The following PRTG variants were observed in gnomAD, a reference collection of about 807,000 sequenced individuals.
PRTG encodes the protein protogenin, also known as immunoglobulin superfamily, DCC subclass, member 5.
In PRTG, 67 loss-of-function variants were observed where a neutral mutation model predicts 122.5. The ratio of observed to expected loss-of-function variants is 0.55; its 90% CI spans 0.45 to 0.67. The LOEUF is 0.67. Ranked by LOEUF, PRTG falls within the 30% of genes least tolerant of loss-of-function variation. The pLI is 0.00. For synonymous variants in PRTG, 554 were observed against 501.1 expected (o/e 1.11, Z -1.41); for missense variants, 1,435 against 1,415.4 (o/e 1.01, Z -0.22).
chr15:55,622,094 C>T lies in PRTG; in HGVS notation c.3094-1327G>A, dbSNP rs2059169246. 2.0e-5 allele frequency among the ~76,000 whole-genome samples: 3 copies of T among 152,092 alleles called. No individual in the cohort carries two copies. In the South Asian group the frequency reaches 6.2e-4, roughly 32 times the overall value. Reference sequence around the variant, plus strand: ...TTCACTTCAGGCCTCTACCTCTCTGCTCCTTTCACTTTAGTTTCTTTTTTT... The same window carrying T: ...TTCACTTCAGGCCTCTACCTCTCTGTTCCTTTCACTTTAGTTTCTTTTTTT... On this transcript the variant is annotated intron_variant, in intron 18 of 19. Transcript: ENST00000389286.
At chr15:55,713,675 G>A (rs2030483247) in intron 2 of PRTG, among the ~76,000 whole-genome samples, 1 of 152,020 alleles carries the variant, frequency 6.6e-6, no homozygotes, top group Non-Finnish European at 1.5e-5. Context: ...GATTACAAGT[G>A]AACTAAGCAT....
At chr15:55,697,215 A>G (rs2059636743) in intron 2 of PRTG, among the ~76,000 whole-genome samples, 1 of 152,180 alleles carries the variant, frequency 6.6e-6, no homozygotes, top group Admixed American at 6.5e-5. Context: ...TCTCATTAGT[A>G]ACTGGTTTTA....
rs76847262 is a variant in PRTG at position 55,670,019 on chromosome 15, A to C, written c.2041+2426T>G. 9.1e-3 allele frequency among the ~76,000 whole-genome samples: 1,380 copies of C among 152,342 alleles called. 15 individuals carry two copies. The highest frequency in any genetic ancestry group is 0.032 in the African/African-American group (1,319 of 41,566). On this transcript the variant is annotated intron_variant, in intron 11 of 19. Coordinates refer to ENST00000389286, the MANE Select transcript of PRTG (RefSeq NM_173814.6). ...GGCAGGAATATATGATTTATTTTTA[A>C]AACACAGGAGAAAATAAAGGTTTAT...
chr15:55,679,650 G>C (rs2059526016), intron 6 of PRTG: 3 of 501,032 alleles, frequency 6.0e-6, no homozygotes, highest in African/African-American at 5.8e-5. Context: ...TCCCTATTCA[G>C]AGCATCTATA....
chr15:55,644,217 G>A (rs1312519489), intron 11 of PRTG, among the ~76,000 whole-genome samples: 1 of 152,144 alleles, frequency 6.6e-6, no homozygotes, highest in Non-Finnish European at 1.5e-5. Flanking sequence ...AAGGTATTGT[G>A]CCAGAATACA....
At chr15:55,690,733 A>G (rs1238305253) in intron 2 of PRTG, among the ~76,000 whole-genome samples, 1 of 152,226 alleles carries the variant, frequency 6.6e-6, no homozygotes, top group Non-Finnish European at 1.5e-5. Context: ...ATAAAAGCAA[A>G]TAACAGAGGT....
At chr15:55,707,946 G>A (rs1353584543) in intron 2 of PRTG, among the ~76,000 whole-genome samples, 1 of 152,040 alleles carries the variant, frequency 6.6e-6, no homozygotes, top group Non-Finnish European at 1.5e-5. Flanking sequence ...TTCTTTCAAG[G>A]AAATGATCAC....
chr15:55,653,090 G>C (rs1325732571), intron 11 of PRTG, among the ~76,000 whole-genome samples: 1 of 152,074 alleles, frequency 6.6e-6, no homozygotes, highest in Non-Finnish European at 1.5e-5. Context: ...AAATTTAAAG[G>C]AATTCTCTTT....
intron 11 of PRTG, among the ~76,000 whole-genome samples, chr15:55,654,743 C>T (rs1234423254): frequency 2.0e-5 from 3 of 152,312 alleles, no homozygotes; most frequent in Middle Eastern, 6.8e-3. Context: ...AGAGCCTATT[C>T]ATGACAACCA....
chr15:55,657,343 T>C (rs1225578771), intron 11 of PRTG, among the ~76,000 whole-genome samples: 1 of 152,158 alleles, frequency 6.6e-6, no homozygotes, highest in Non-Finnish European at 1.5e-5. Context: ...CGTGTAGCTA[T>C]TCAAGAAAGG....
Position 55,619,790 on chromosome 15 carries a change from C to G in PRTG, c.*222G>C, listed in dbSNP as rs1028573833. On this transcript the variant is annotated 3_prime_UTR_variant, in exon 20 of 20. Transcript: ENST00000389286. ...CCCCATAAAGATATTAAGATTTTCA[C>G]AAAAGGCTTTGGTTCCCTGTTCATT... 4 of 644,446 alleles carry G rather than the reference C, an allele frequency of 6.2e-6. No homozygotes were observed. In the African/African-American group the frequency reaches 7.3e-5, roughly 12 times the overall value. 39.9% of individuals were successfully genotyped at this position (644,446 alleles called of 1,614,324 possible). A position where few individuals can be genotyped will look rare whatever the true frequency, so the allele number is the denominator to read the frequency against.
intron 7 of PRTG, 140 bp downstream of exon 7, chr15:55,679,146 C>T: frequency 1.7e-6 from 1 of 582,946 alleles, no homozygotes; most frequent in Non-Finnish European, 3.0e-6. Flanking sequence ...TGTTATAAGT[C>T]TTAATTTCTT....
chr15:55,621,676 C>T (rs1343313139), intron 18 of PRTG, among the ~76,000 whole-genome samples: 1 of 151,964 alleles, frequency 6.6e-6, no homozygotes, highest in Non-Finnish European at 1.5e-5. Context: ...AACAAACAAA[C>T]ACAAAACAGG....
intron 5 of PRTG, 62 bp from the exon 6 acceptor site, chr15:55,680,274 A>G: frequency 7.5e-7 from 1 of 1,336,758 alleles, no homozygotes; most frequent in East Asian, 2.4e-5. Context: ...TTATGTCAAA[A>G]GACCACTATC....
chr15:55,714,380 C>T (rs2030519659), intron 2 of PRTG, among the ~76,000 whole-genome samples: 1 of 151,634 alleles, frequency 6.6e-6, no homozygotes, highest in Admixed American at 6.6e-5. Context: ...ATGTGCACCC[C>T]CACCCCCCCG....
intron 11 of PRTG, among the ~76,000 whole-genome samples, chr15:55,667,951 G>A (rs1203046666): frequency 1.3e-5 from 2 of 152,142 alleles, no homozygotes; most frequent in African/African-American, 4.8e-5. Flanking sequence ...GCCCGGCGTG[G>A]TGGCGCACGC....
Position 55,617,449 on chromosome 15 carries a change from T to C in PRTG, c.*2563A>G, listed in dbSNP as rs1013778718. On this transcript the variant is annotated 3_prime_UTR_variant, in exon 20 of 20. Coordinates refer to ENST00000389286, the MANE Select transcript of PRTG (RefSeq NM_173814.6). ...ACAACAATCAATATAAACCCTATTG[T>C]TTTGGGTTAGTAACTACTTGTGTAA... 8 of 152,194 alleles carry C rather than the reference T, an allele frequency of 5.3e-5. No homozygotes were observed. Among genetic ancestry groups the C allele is most frequent in the African/African-American group, 1.9e-4 (8 of 41,552 alleles). 9.4% of individuals were successfully genotyped at this position (152,194 alleles called of 1,614,324 possible).
At chr15:55,732,557 C>T (rs559225324) in intron 2 of PRTG, among the ~76,000 whole-genome samples, 10 of 147,164 alleles carry the variant, frequency 6.8e-5, no homozygotes, top group South Asian at 2.2e-4. Flanking sequence ...TGCAATGGCG[C>T]GATCTCAGCT....
intron 1 of PRTG, chr15:55,742,501 G>C (rs1437914142): frequency 4.0e-6 from 1 of 249,054 alleles, no homozygotes; most frequent in Non-Finnish European, 7.6e-6. Flanking sequence ...CGGAGGCGCG[G>C]ACGCGGCCGG....
Sources: gnomAD v4.1 joint callset for allele counts (sites outside exome capture counted in the v4.1 genomes callset) on GRCh38, gnomAD v4.1.1 for gene constraint, MANE v1.5 for transcripts, NCBI Gene and HGNC (gene_info 2026-07-23, HGNC 2026-07-21) for gene names.